TAF1: variants seen among roughly 807,000 people sequenced by gnomAD.
The protein encoded by TAF1 is TATA-box binding protein associated factor 1.
Under a neutral mutation model 138.5 loss-of-function variants are expected in TAF1, and 2 were observed. The observed-to-expected ratio is 0.01, with a 90% CI of 0.01 to 0.05. The LOEUF (loss-of-function observed/expected upper bound fraction) is 0.05. Among genes scored for constraint, TAF1 ranks in the 10% least tolerant of loss-of-function variants. The probability of loss-of-function intolerance (pLI) is 1.00; values close to 1 mark genes in which losing one functional copy is unlikely to be tolerated. For missense variants in TAF1, 709 were observed against 1,478.0 expected, an observed-to-expected ratio of 0.48 and a Z score of 8.53; for synonymous variants, 437 against 503.2, an observed-to-expected ratio of 0.87 and a Z score of 1.76.
chrX:71,511,052 A>C (rs866122998), intron 13 of TAF1, among the ~76,000 whole-genome samples: 22 of 111,112 alleles, frequency 2.0e-4, no homozygotes, highest in Admixed American at 4.8e-4. Flanking sequence ...GCAGTGAGCC[A>C]AGATCGCGCC....
chrX:71,422,378 A>C (rs1204978832), intron 29 of TAF1, among the ~76,000 whole-genome samples: 1 of 104,927 alleles, frequency 9.5e-6, no homozygotes, highest in Non-Finnish European at 1.9e-5. Flanking sequence ...GCTGGAGTGC[A>C]GTGGGATGAC....
intron 16 of TAF1, 101 bp downstream of exon 16, chrX:71,388,479 G>A: frequency 9.3e-7 from 1 of 1,079,702 alleles, no homozygotes; most frequent in Non-Finnish European, 1.2e-6. Flanking sequence ...AATAGAAATT[G>A]ATGGCTGTTG....
In TAF1 at chrX:71,488,957, C is replaced by T. The variant is rs759979333; in HGVS notation, c.1366+28154C>T. On this transcript the variant is annotated intron_variant and NMD_transcript_variant, in intron 13 of 14. Coordinates refer to the TAF1 transcript ENST00000373775. Reference sequence around the variant, plus strand: ...TTGTGCACGCCTGTGATCCTAGCTACTCAGGAGGCTGAGGCAGGAGAATCG... The same window carrying T: ...TTGTGCACGCCTGTGATCCTAGCTATTCAGGAGGCTGAGGCAGGAGAATCG... 2.7e-5 allele frequency among the ~76,000 whole-genome samples: 3 copies of T among 109,457 alleles called. No individual in the cohort carries two copies. The South Asian group carries it at 1.2e-3, about 43-fold the overall frequency.
chrX:71,413,682 A>T (rs1569320775), intron 28 of TAF1, among the ~76,000 whole-genome samples: 1 of 111,338 alleles, frequency 9.0e-6, no homozygotes, highest in Non-Finnish European at 1.9e-5. Flanking sequence ...TGTCTGCCAG[A>T]CATGTCCATT....
chrX:71,391,502 A>AGT (rs2034560700), intron 18 of TAF1, among the ~76,000 whole-genome samples: 1 of 111,173 alleles, frequency 9.0e-6, no homozygotes, highest in African/African-American at 3.3e-5. Context: ...TGGCCAACAT[A>AGT]GTGAGACCCT....
Position 71,445,787 on chromosome X carries a change from T to C in TAF1, c.4754-8383T>C, listed in dbSNP as rs190246483. ...GATTCTCTTTTCATGTTAGTACATA[T>C]AGATTTCTACATTCTTTTAAACTTA... is the stretch of plus-strand genomic sequence containing the variant. On this transcript the variant is annotated intron_variant, in intron 32 of 37. Transcript: ENST00000423759. Among the ~76,000 whole-genome samples the C allele has an allele frequency of 2.7e-5, 3 of 112,244 alleles. No homozygotes were observed. The East Asian group carries it at 8.3e-4, about 31-fold the overall frequency.
intron 32 of TAF1, among the ~76,000 whole-genome samples, chrX:71,432,716 C>A (rs950750234): frequency 2.7e-5 from 3 of 111,348 alleles, no homozygotes; most frequent in African/African-American, 9.8e-5. Flanking sequence ...TCTTTAGTGA[C>A]GCTTTATTGC....
intron 28 of TAF1, among the ~76,000 whole-genome samples, chrX:71,417,896 TAGAC>T (rs2036111550): frequency 1.8e-5 from 2 of 111,901 alleles, no homozygotes; most frequent in Admixed American, 1.9e-4. Flanking sequence ...TGGAAATTGT[TAGAC>T]ACATACAGAA....
At chrX:71,447,016 A>G (rs977548122) in intron 32 of TAF1, among the ~76,000 whole-genome samples, 1 of 112,248 alleles carries the variant, frequency 8.9e-6, no homozygotes, top group African/African-American at 3.2e-5. Flanking sequence ...TAAGAATTGC[A>G]AAGTCAGAGC....
chrX:71,528,503 A>C (rs954376493), intron 13 of TAF1: 10 of 310,294 alleles, frequency 3.2e-5, no homozygotes, highest in Middle Eastern at 5.0e-4. Context: ...GAATGTCTTC[A>C]TGGCTTGCTC....
intron 28 of TAF1, among the ~76,000 whole-genome samples, chrX:71,412,008 G>A (rs936803468): frequency 4.5e-5 from 5 of 111,431 alleles, no homozygotes; most frequent in African/African-American, 9.8e-5. Flanking sequence ...TGCCCGCCTC[G>A]GCCTCCCAAA....
intron 13 of TAF1, among the ~76,000 whole-genome samples, chrX:71,506,999 C>T (rs1274782088): frequency 2.7e-5 from 3 of 111,689 alleles, no homozygotes; most frequent in Admixed American, 9.6e-5. Flanking sequence ...ATTCCATTTG[C>T]GTTAAATATC....
At chrX:71,440,962 G>C (rs1029338124) in intron 32 of TAF1, among the ~76,000 whole-genome samples, 6 of 107,686 alleles carry the variant, frequency 5.6e-5, no homozygotes, top group African/African-American at 1.0e-4. Context: ...TCTTCTTCTT[G>C]TTATCTTTGC....
chrX:71,416,058 C>T (rs1486425188), intron 28 of TAF1, among the ~76,000 whole-genome samples: 2 of 9,676 alleles, frequency 2.1e-4, no homozygotes, highest in Admixed American at 1.3e-3. Context: ...ATATCATAGG[C>T]AAAAACAAAC....
chrX:71,377,181 G>A lies in TAF1; in HGVS notation c.704G>A (p.Arg235Gln). 8.3e-7 allele frequency: 1 copy of A among 1,211,108 alleles called. No homozygotes were observed. Among genetic ancestry groups the A allele is most frequent in the Non-Finnish European group, 1.1e-6 (1 of 895,401 alleles). ...GTCACAGAACTTTTTCCAGAATTTCGACCTGGAAAGGTACATTCTGTGGAG... is the reference window on the plus strand; with the variant it reads ...GTCACAGAACTTTTTCCAGAATTTCAACCTGGAAAGGTACATTCTGTGGAG... ...PSVTELFPEF[R>Q]PGKVLRFLRL... is the part of the protein sequence containing the mutation. The change falls in exon 5 of 38, where the codon CGA becomes CAA. Residue 235 changes from arginine (R) to glutamine (Q), a missense_variant. Coordinates refer to ENST00000423759, the MANE Select transcript of TAF1 (RefSeq NM_004606.5).
Position 71,382,829 on chromosome X carries a change from A to G in TAF1, c.1734A>G (p.Gln578=). ...ATGATGAGTATTATTATCCCAAGCAACAGGGTCTTCGAGGCACCTTTGGAG... is the reference window on the plus strand; with the variant it reads ...ATGATGAGTATTATTATCCCAAGCAGCAGGGTCTTCGAGGCACCTTTGGAG... ...LSNDEYYYPK[Q]QGLRGTFGGN... Residue 578 remains glutamine (Q), a synonymous_variant, in exon 11 of 38, where the codon CAA becomes CAG. Transcript: ENST00000423759. The G allele has an allele frequency of 8.3e-7, 1 of 1,210,639 alleles. No individual in the cohort carries two copies. The highest frequency in any genetic ancestry group is 1.1e-6 in the Non-Finnish European group (1 of 895,083).
rs369467001 is a variant in TAF1 at position 71,438,212 on chromosome X, G to A, written c.4753+13974G>A. Among the ~76,000 whole-genome samples, 41 of 111,393 alleles carry A rather than the reference G, an allele frequency of 3.7e-4. 2 individuals carry two copies. Among genetic ancestry groups the A allele is most frequent in the Admixed American group, 3.0e-3 (31 of 10,431 alleles). ...ACAGTGTAGTGCAACCATTACCACT[G>A]TGTATTTCCAGAACTTTCTTATTAT... On this transcript the variant is annotated intron_variant, in intron 32 of 37. Transcript: ENST00000423759.
intron 1 of TAF1, 129 bp downstream of exon 1, chrX:71,366,623 C>A: frequency 2.8e-6 from 2 of 705,536 alleles, no homozygotes; most frequent in Non-Finnish European, 4.1e-6. Flanking sequence ...AGGAGGATCC[C>A]GTCCTCATGG....
Position 71,463,904 on chromosome X carries a change from CAGA to C in TAF1, c.5481_5483del (p.Glu1831del), listed in dbSNP as rs1287731989. 5.8e-6 allele frequency: 7 copies of C among 1,208,189 alleles called. No individual in the cohort carries two copies. Among genetic ancestry groups the C allele is most frequent in the Non-Finnish European group, 6.7e-6 (6 of 894,251 alleles). ...AGCAGCATCGGTGGGTATGAGGTAT[CAGA>C]GGAGGAAGAAGATGAGGAGGAGGAA... is the stretch of plus-strand genomic sequence containing the variant. On this transcript the variant is annotated inframe_deletion, in exon 38 of 38. Coordinates refer to ENST00000423759, the MANE Select transcript of TAF1 (RefSeq NM_004606.5).
Sources: gnomAD v4.1 joint callset for allele counts (sites outside exome capture counted in the v4.1 genomes callset) on GRCh38, gnomAD v4.1.1 for gene constraint, MANE v1.5 for transcripts, NCBI Gene and HGNC (gene_info 2026-07-23, HGNC 2026-07-21) for gene names.